Variants in STX12 observed in about 807,000 individuals in gnomAD.
STX12 encodes syntaxin-12.
A neutral mutation model predicts 42.2 loss-of-function variants in STX12; 17 were observed. That is an observed-to-expected ratio of 0.40 (90% CI 0.28 to 0.60). The LOEUF (loss-of-function observed/expected upper bound fraction) is 0.60. STX12 is among the 20% of genes least tolerant of loss of function. STX12 has a pLI of 0.39. For synonymous variants in STX12, 108 were observed against 116.7 expected, an observed-to-expected ratio of 0.93 and a Z score of 0.48; for missense variants, 297 against 330.9, an observed-to-expected ratio of 0.90 and a Z score of 0.79.
intron 3 of STX12, among the ~76,000 whole-genome samples, chr1:27,794,012 T>A (rs1000534042): frequency 1.3e-5 from 2 of 150,636 alleles, no homozygotes; most frequent in Admixed American, 6.6e-5. Context: ...TTTTTTTAAT[T>A]ATTATTATTT....
At chr1:27,793,719 G>A in intron 3 of STX12, 87 bp downstream of exon 3, 1 of 1,061,568 alleles carries the variant, frequency 9.4e-7, no homozygotes, top group Non-Finnish European at 1.4e-6. Flanking sequence ...AAATAAGTTG[G>A]CCTTTGGTGC....
intron 4 of STX12, among the ~76,000 whole-genome samples, chr1:27,808,274 AT>A (rs1377485858): frequency 6.6e-6 from 1 of 151,962 alleles, no homozygotes; most frequent in African/African-American, 2.4e-5. Context: ...CTTTTTAAAA[AT>A]GAAAATACAT....
Position 27,819,731 on chromosome 1 carries a change from A to G in STX12, c.731A>G (p.Gln244Arg), listed in dbSNP as rs1342699236. 11 of 1,613,298 alleles carry G rather than the reference A, an allele frequency of 6.8e-6. No homozygotes were observed. Among genetic ancestry groups the G allele is most frequent in the Non-Finnish European group, 9.3e-6 (11 of 1,179,578 alleles). ...TEQLQRAAYY[Q>R]KKSRKKMCIL... Reference sequence around the variant, plus strand: ...CAGTTACAGCGAGCTGCTTACTATCAGGTAAAAGCGGGTACCAAAGAAAGT... The same window carrying G: ...CAGTTACAGCGAGCTGCTTACTATCGGGTAAAAGCGGGTACCAAAGAAAGT... Residue 244 changes from glutamine (Q) to arginine (R), a missense_variant and splice_region_variant, in exon 8 of 9, where the codon CAG becomes CGG. Transcript: ENST00000373943.
chr1:27,779,395 G>A (rs1045251824), intron 1 of STX12, among the ~76,000 whole-genome samples: 3 of 151,076 alleles, frequency 2.0e-5, no homozygotes, highest in Admixed American at 6.6e-5. Flanking sequence ...GTGCCATGGC[G>A]CAATCTTGGC....
intron 8 of STX12, among the ~76,000 whole-genome samples, chr1:27,821,518 G>T (rs2088984267): frequency 6.6e-6 from 1 of 150,740 alleles, no homozygotes; most frequent in African/African-American, 2.4e-5. Flanking sequence ...AATGTTGACG[G>T]TATTATCTAT....
intron 5 of STX12, 28 bp from the exon 6 acceptor site, chr1:27,812,135 A>G (rs1420172536): frequency 6.5e-7 from 1 of 1,536,864 alleles, no homozygotes; most frequent in Admixed American, 2.0e-5. Flanking sequence ...GAGAGGAGAA[A>G]TCACCTAGTG....
At chr1:27,793,074 C>T (rs1251838131) in intron 2 of STX12, among the ~76,000 whole-genome samples, 1 of 152,184 alleles carries the variant, frequency 6.6e-6, no homozygotes, top group East Asian at 1.9e-4. Context: ...GAGGTTGTTC[C>T]CTAGGGTAGG....
chr1:27,779,076 C>T (rs2088646500), intron 1 of STX12, among the ~76,000 whole-genome samples: 1 of 152,158 alleles, frequency 6.6e-6, no homozygotes, highest in Non-Finnish European at 1.5e-5. Flanking sequence ...TGGGGTTCCA[C>T]TTTCAAAGTT....
rs555360159 is a variant in STX12 at position 27,781,108 on chromosome 1, A to G, written c.118+7683A>G. 2.6e-5 allele frequency among the ~76,000 whole-genome samples: 4 copies of G among 152,114 alleles called. No homozygotes were observed. The South Asian group carries it at 6.2e-4, about 24-fold the overall frequency. ...ACTCAGGCTGGAGTACAGTGGCGCA[A>G]TCTCAGCTCACTGCAACCTCTGCCT... On this transcript the variant is annotated intron_variant, in intron 1 of 8. Transcript: ENST00000373943.
At chr1:27,820,697 T>C (rs1265711391) in intron 8 of STX12, among the ~76,000 whole-genome samples, 1 of 152,056 alleles carries the variant, frequency 6.6e-6, no homozygotes, top group African/African-American at 2.4e-5. Context: ...GGACTATAAA[T>C]CATGCTGCTA....
chr1:27,792,116 TATA>T (rs1193400006), intron 2 of STX12, among the ~76,000 whole-genome samples: 3 of 137,334 alleles, frequency 2.2e-5, no homozygotes, highest in Middle Eastern at 3.7e-3. Flanking sequence ...TATATAAATA[TATA>T]ATATATATCT....
intron 1 of STX12, among the ~76,000 whole-genome samples, chr1:27,780,907 C>T (rs545485082): frequency 2.2e-4 from 34 of 151,388 alleles, no homozygotes; most frequent in Non-Finnish European, 3.8e-4. Flanking sequence ...AGCAGTGAGC[C>T]GAGATCACGT....
intron 3 of STX12, among the ~76,000 whole-genome samples, chr1:27,799,989 C>G (rs1005680351): frequency 6.1e-5 from 4 of 65,996 alleles, no homozygotes; most frequent in African/African-American, 2.6e-4. Flanking sequence ...TTCCTGCCCT[C>G]AAGTGATCCA....
chr1:27,821,396 C>A (rs1338745577), intron 8 of STX12, among the ~76,000 whole-genome samples: 1 of 151,916 alleles, frequency 6.6e-6, no homozygotes, highest in African/African-American at 2.4e-5. Flanking sequence ...AGAGTTTAAA[C>A]AGAAAAATGT....
At chr1:27,798,537 C>T (rs1390090712) in intron 3 of STX12, among the ~76,000 whole-genome samples, 4 of 150,684 alleles carry the variant, frequency 2.7e-5, no homozygotes, top group East Asian at 1.9e-4. Context: ...CCCAACTACT[C>T]GGGAGACTGA....
intron 1 of STX12, among the ~76,000 whole-genome samples, chr1:27,788,935 C>T (rs2088719103): frequency 6.6e-6 from 1 of 152,014 alleles, no homozygotes; most frequent in Non-Finnish European, 1.5e-5. Flanking sequence ...TGGCATGAAC[C>T]CAGGAGGCGG....
intron 1 of STX12, chr1:27,774,152 T>A (rs2088613616): frequency 6.6e-6 from 1 of 152,196 alleles, no homozygotes; most frequent in African/African-American, 2.4e-5. Context: ...CTTGAACAAA[T>A]CTGGTACACA....
At chr1:27,779,135 A>G (rs1489745745) in intron 1 of STX12, among the ~76,000 whole-genome samples, 1 of 152,142 alleles carries the variant, frequency 6.6e-6, no homozygotes, top group Non-Finnish European at 1.5e-5. Context: ...TATCCTCTTA[A>G]GTATTCATCA....
chr1:27,813,922 T>G (rs2088921098), intron 6 of STX12, among the ~76,000 whole-genome samples: 1 of 151,960 alleles, frequency 6.6e-6, no homozygotes, highest in Non-Finnish European at 1.5e-5. Context: ...ATTTTTTGAG[T>G]CAGAGTCTTA....
Sources: allele counts gnomAD v4.1 joint callset (sites outside exome capture counted in the v4.1 genomes callset), GRCh38; gene constraint gnomAD v4.1.1; transcripts MANE v1.5; gene names NCBI Gene and HGNC (gene_info 2026-07-23, HGNC 2026-07-21).